Variants in COL6A6 observed in about 807,000 individuals in gnomAD.
COL6A6 encodes collagen alpha-6(VI) chain.
In COL6A6, 183 loss-of-function variants were observed where a neutral mutation model predicts 208.6. The observed-to-expected ratio is 0.88, with a 90% confidence interval of 0.78 to 0.99. The LOEUF (loss-of-function observed/expected upper bound fraction) is 0.99. Ranked by LOEUF, COL6A6 falls within the 50% of genes least tolerant of loss-of-function variation. The pLI is 0.00. For missense variants in COL6A6, 2,816 were observed against 2,815.2 expected (o/e 1.00, Z -0.01); for synonymous variants, 973 against 1,011.8 (o/e 0.96, Z 0.73).
At chr3:130,622,103 T>C (rs1192120841) in intron 24 of COL6A6, among the ~76,000 whole-genome samples, 1 of 152,052 alleles carries the variant, frequency 6.6e-6, no homozygotes, top group African/African-American at 2.4e-5. Context: ...AGGGGAGGGA[T>C]ACACCCTATT....
At chr3:130,614,081 C>T (rs1412625430) in intron 23 of COL6A6, among the ~76,000 whole-genome samples, 1 of 152,040 alleles carries the variant, frequency 6.6e-6, no homozygotes, top group East Asian at 1.9e-4. Context: ...AGAGGGCATC[C>T]CTGTATTCTG....
intron 10 of COL6A6, among the ~76,000 whole-genome samples, chr3:130,584,724 C>T (rs919084567): frequency 1.1e-4 from 17 of 152,186 alleles, no homozygotes; most frequent in Admixed American, 3.9e-4. Context: ...AAGTGATTCT[C>T]GTGTGTCAGC....
intron 1 of COL6A6, among the ~76,000 whole-genome samples, chr3:130,547,247 A>C (rs1227158487): frequency 6.6e-6 from 1 of 152,262 alleles, no homozygotes; most frequent in African/African-American, 2.4e-5. Flanking sequence ...AAGCGTGGCA[A>C]GAGTGGGCTG....
chr3:130,628,331 A>G (rs1027850215), intron 26 of COL6A6, among the ~76,000 whole-genome samples: 10 of 152,238 alleles, frequency 6.6e-5, no homozygotes, highest in African/African-American at 2.2e-4. Context: ...ATGAATGTAT[A>G]TGAAGTTTAT....
intron 18 of COL6A6, among the ~76,000 whole-genome samples, chr3:130,594,896 C>T (rs2063810175): frequency 6.6e-6 from 1 of 152,156 alleles, no homozygotes; most frequent in African/African-American, 2.4e-5. Flanking sequence ...ACCATCAGAT[C>T]CCATGAGACT....
At chr3:130,613,673 C>G (rs1394048897) in intron 23 of COL6A6, among the ~76,000 whole-genome samples, 1 of 152,150 alleles carries the variant, frequency 6.6e-6, no homozygotes, top group Non-Finnish European at 1.5e-5. Context: ...TTTGTGTCAT[C>G]TCTGCTTTCT....
chr3:130,531,056 A>AGTCTCTCTCTCT lies in COL6A6; in HGVS notation c.-32+13659_-32+13660insGTCTCTCTCTCT, dbSNP rs1294781159. Among the ~76,000 whole-genome samples, 279 of 27,986 alleles carry AGTCTCTCTCTCT rather than the reference A, an allele frequency of 1.0e-2. 5 individuals are homozygous for AGTCTCTCTCTCT. Among genetic ancestry groups the AGTCTCTCTCTCT allele is most frequent in the African/African-American group, 0.02 (265 of 13,296 alleles). The allele number at this position is 27,986 out of a possible 152,430, so 18.4% of individuals were successfully genotyped here. A position where few individuals can be genotyped will look rare whatever the true frequency, so the allele number is the denominator to read the frequency against. On this transcript the variant is annotated intron_variant, in intron 1 of 36. Coordinates refer to ENST00000358511, the MANE Select transcript of COL6A6 (RefSeq NM_001102608.3). ...CACACACAGACACACACACACACAC[A>AGTCTCTCTCTCT]CACAGTCTCTCTCTCTCTCTCTCTC...
chr3:130,548,134 C>A (rs961163737), intron 1 of COL6A6, among the ~76,000 whole-genome samples: 7 of 152,240 alleles, frequency 4.6e-5, no homozygotes, highest in Non-Finnish European at 8.8e-5. Flanking sequence ...ATTCCAACAT[C>A]CCTGCCATGT....
At chr3:130,566,628 C>T in intron 4 of COL6A6, 74 bp from the exon 5 acceptor site, 1 of 1,271,822 alleles carries the variant, frequency 7.9e-7, no homozygotes, top group Non-Finnish European at 1.1e-6. Flanking sequence ...CATATTTGTT[C>T]TTCTTTCCAT....
chr3:130,574,495 C>G lies in COL6A6; in HGVS notation c.3517C>G (p.Arg1173Gly). 2 of 1,613,942 alleles carry G rather than the reference C, an allele frequency of 1.2e-6. No individual in the cohort carries two copies. The highest frequency in any genetic ancestry group is 1.7e-6 in the Non-Finnish European group (2 of 1,179,876). The part of the protein sequence containing the change: ...ELKKVNKRIV[R>G]NICTTAGESN... ...GAAGAAGGTCAATAAAAGGATCGTT[C>G]GCAACATCTGTACCACAGCGGGTGA... is the stretch of plus-strand genomic sequence containing the variant. The change falls in exon 8 of 37, where the codon CGC becomes GGC. Residue 1173 changes from arginine to glycine, a missense_variant. Transcript: ENST00000358511.
chr3:130,641,743 G>T (rs61002754), intron 29 of COL6A6, 29 bp downstream of exon 29: 2 of 1,379,152 alleles, frequency 1.5e-6, no homozygotes, highest in African/African-American at 2.9e-5. Flanking sequence ...AACCACAGCA[G>T]GTCCTTTTCC....
At position 130,568,204 on chromosome 3, in the gene COL6A6, C is replaced by T. The variant is rs142295956; in HGVS notation, c.2001C>T (p.Ser667=). Residue 667 remains serine (S), a synonymous_variant, in exon 6 of 37, where the codon AGC becomes AGT. Coordinates refer to ENST00000358511, the MANE Select transcript of COL6A6 (RefSeq NM_001102608.3). The part of the protein sequence containing the change: ...DRVQIGVVQF[S]DINKEEFQLN... ...TGCAAATTGGTGTAGTCCAGTTCAGCGACATCAATAAGGAAGAGTTTCAGC... is the reference window on the plus strand; with the variant it reads ...TGCAAATTGGTGTAGTCCAGTTCAGTGACATCAATAAGGAAGAGTTTCAGC... The T allele has an allele frequency of 2.3e-4, 377 of 1,613,896 alleles. 3 individuals carry two copies. The East Asian group carries it at 3.1e-3, about 13-fold the overall frequency.
At chr3:130,622,802 A>G (rs752651543) in intron 24 of COL6A6, among the ~76,000 whole-genome samples, 3 of 152,026 alleles carry the variant, frequency 2.0e-5, no homozygotes, top group Non-Finnish European at 4.4e-5. Flanking sequence ...GTTTGCAGTG[A>G]GCTGAGATCG....
chr3:130,672,934 C>T (rs184536256), intron 36 of COL6A6, among the ~76,000 whole-genome samples: 25 of 149,208 alleles, frequency 1.7e-4, no homozygotes, highest in Non-Finnish European at 3.3e-4. Flanking sequence ...ACTCGAAACC[C>T]GGGGGGGCAA....
chr3:130,600,925 T>G (rs2063996818), intron 20 of COL6A6, among the ~76,000 whole-genome samples: 1 of 152,184 alleles, frequency 6.6e-6, no homozygotes, highest in Non-Finnish European at 1.5e-5. Context: ...AAGTCAGTCC[T>G]GGTATAGGCA....
At chr3:130,625,154 C>A (rs898755131) in intron 24 of COL6A6, among the ~76,000 whole-genome samples, 3 of 152,186 alleles carry the variant, frequency 2.0e-5, no homozygotes, top group Admixed American at 6.5e-5. Context: ...GCTGTGGTCC[C>A]CACAGCACAC....
chr3:130,665,168 T>G, intron 36 of COL6A6, 72 bp downstream of exon 36: 2 of 921,818 alleles, frequency 2.2e-6, no homozygotes, highest in Non-Finnish European at 3.3e-6. Context: ...TCCTCCTCCT[T>G]TTCTTGCTTT....
intron 1 of COL6A6, among the ~76,000 whole-genome samples, chr3:130,543,073 T>G (rs567004832): frequency 6.6e-5 from 10 of 151,952 alleles, no homozygotes; most frequent in Admixed American, 5.2e-4. Flanking sequence ...GCCTAGCTAA[T>G]TTTTGTATTT....
chr3:130,566,022 G>A (rs919777410), intron 4 of COL6A6, among the ~76,000 whole-genome samples: 1 of 152,000 alleles, frequency 6.6e-6, no homozygotes, highest in African/African-American at 2.4e-5. Context: ...CCAATTTAGA[G>A]AATAAACAGG....
Sources: allele counts gnomAD v4.1 joint callset (sites outside exome capture counted in the v4.1 genomes callset), GRCh38; gene constraint gnomAD v4.1.1; transcripts MANE v1.5; gene names NCBI Gene and HGNC (gene_info 2026-07-23, HGNC 2026-07-21).